HLF: variants seen among roughly 807,000 people sequenced by gnomAD.
The protein encoded by HLF is HLF transcription factor, PAR bZIP family member.
In HLF, 3 loss-of-function variants were observed where a neutral mutation model predicts 22.6. The ratio of observed to expected loss-of-function variants is 0.13; its 90% CI spans 0.06 to 0.34. HLF has a LOEUF of 0.34. Among genes scored for constraint, HLF ranks in the 10% least tolerant of loss-of-function variants. The pLI is 1.00. For missense variants in HLF, 299 were observed against 389.2 expected, an observed-to-expected ratio of 0.77 and a Z score of 1.95; for synonymous variants, 151 against 151.8, an observed-to-expected ratio of 0.99 and a Z score of 0.04.
chr17:55,270,567 A>C (rs936815282), intron 2 of HLF, among the ~76,000 whole-genome samples: 2 of 152,168 alleles, frequency 1.3e-5, no homozygotes, highest in African/African-American at 4.8e-5. Context: ...GGAAGAGCAC[A>C]GATGTAGCCT....
intron 2 of HLF, among the ~76,000 whole-genome samples, chr17:55,291,607 TTAA>T (rs946425979): frequency 1.6e-5 from 2 of 123,398 alleles, no homozygotes; most frequent in African/African-American, 3.1e-5. Flanking sequence ...TACAAGAAGA[TTAA>T]TGTTATTTTC....
intron 3 of HLF, among the ~76,000 whole-genome samples, chr17:55,316,528 C>T (rs1403427970): frequency 1.3e-5 from 2 of 152,240 alleles, no homozygotes; most frequent in Non-Finnish European, 2.9e-5. Flanking sequence ...CTGAGATTAC[C>T]TTAATTGATG....
intron 2 of HLF, among the ~76,000 whole-genome samples, chr17:55,302,197 A>G (rs1200140586): frequency 2.0e-5 from 3 of 152,206 alleles, no homozygotes; most frequent in Non-Finnish European, 4.4e-5. Flanking sequence ...TGGCTTAAAC[A>G]TGTTGATTTA....
intron 2 of HLF, among the ~76,000 whole-genome samples, chr17:55,304,621 G>C (rs1331130798): frequency 2.0e-5 from 3 of 152,220 alleles, no homozygotes; most frequent in Non-Finnish European, 4.4e-5. Context: ...GAGTACTGAT[G>C]CATGATCCCA....
intron 2 of HLF, among the ~76,000 whole-genome samples, chr17:55,285,208 T>C (rs1411108234): frequency 1.3e-5 from 2 of 152,178 alleles, no homozygotes; most frequent in East Asian, 1.9e-4. Context: ...AGATATACAG[T>C]TTAACCTAGG....
chr17:55,311,762 AC>A lies in HLF; in HGVS notation c.452-3462del, dbSNP rs1460578508. Among the ~76,000 whole-genome samples, 7 of 152,132 alleles carry A rather than the reference AC, an allele frequency of 4.6e-5. No individual in the cohort carries two copies. In the East Asian group the frequency reaches 1.4e-3, roughly 29 times the overall value. On this transcript the variant is annotated intron_variant, in intron 2 of 3. Transcript: ENST00000226067. ...ATGCTGAGATTTGGCCTTTGATTGAACCCTTCATGCAGAGAGTGAACATAGT... is the reference window on the plus strand; with the variant it reads ...ATGCTGAGATTTGGCCTTTGATTGAACCTTCATGCAGAGAGTGAACATAGT...
At chr17:55,267,715 CTTTTT>C (rs762403571) in intron 1 of HLF, 31 bp from the exon 2 acceptor site, 1 of 1,403,476 alleles carries the variant, frequency 7.1e-7, no homozygotes, top group East Asian at 2.3e-5. Flanking sequence ...TCTTTTCTTT[CTTTTT>C]TTTTAAGTCC....
chr17:55,299,632 T>C (rs1479245403), intron 2 of HLF, among the ~76,000 whole-genome samples: 2 of 152,180 alleles, frequency 1.3e-5, no homozygotes, highest in African/African-American at 4.8e-5. Context: ...TCAGCATGCC[T>C]GCCACACGTC....
intron 2 of HLF, among the ~76,000 whole-genome samples, chr17:55,313,118 C>T (rs1190783118): frequency 6.6e-6 from 1 of 152,140 alleles, no homozygotes; most frequent in African/African-American, 2.4e-5. Context: ...TGACCTACTT[C>T]CATTGGAGGA....
intron 2 of HLF, among the ~76,000 whole-genome samples, chr17:55,291,638 T>C (rs370519747): frequency 6.6e-6 from 1 of 152,242 alleles, no homozygotes; most frequent in Non-Finnish European, 1.5e-5. Flanking sequence ...CTAACACATT[T>C]ATTCTTCAGC....
At chr17:55,269,787 G>T (rs541518062) in intron 2 of HLF, among the ~76,000 whole-genome samples, 1 of 152,242 alleles carries the variant, frequency 6.6e-6, no homozygotes, top group Admixed American at 6.5e-5. Flanking sequence ...ATCTTCGTAA[G>T]GTAACTAGGT....
Position 55,265,508 on chromosome 17 carries a change from C to A in HLF, c.24C>A (p.Leu8=), listed in dbSNP as rs1205983498. 6.2e-6 allele frequency: 10 copies of A among 1,607,466 alleles called. No individual in the cohort carries two copies. Among genetic ancestry groups the A allele is most frequent in the Non-Finnish European group, 7.7e-6 (9 of 1,176,310 alleles). The change falls in exon 1 of 4, where the codon CTC becomes CTA. Residue 8 remains leucine, a synonymous_variant. Transcript: ENST00000226067. MEKMSRP[L]PLNPTFIPPP... ...CGATGGAGAAAATGTCCCGACCGCT[C>A]CCCCTGAATCCCACCTTTATCCCGC...
At chr17:55,270,215 C>G (rs1011729355) in intron 2 of HLF, among the ~76,000 whole-genome samples, 1 of 152,160 alleles carries the variant, frequency 6.6e-6, no homozygotes, top group African/African-American at 2.4e-5. Context: ...CACTGAGGGT[C>G]TAGAAATAAG....
chr17:55,286,677 T>A (rs144596671), intron 2 of HLF, among the ~76,000 whole-genome samples: 1 of 152,206 alleles, frequency 6.6e-6, no homozygotes, highest in Non-Finnish European at 1.5e-5. Context: ...GAAAATAAAC[T>A]CTTTTTCCCC....
intron 2 of HLF, among the ~76,000 whole-genome samples, 169 bp from the exon 3 acceptor site, chr17:55,315,058 C>T (rs1256086979): frequency 1.3e-5 from 2 of 152,232 alleles, no homozygotes; most frequent in Non-Finnish European, 2.9e-5. Context: ...AAGTCATACT[C>T]AACCTGCTGT....
intron 2 of HLF, among the ~76,000 whole-genome samples, chr17:55,302,265 T>C (rs891524860): frequency 6.6e-6 from 1 of 152,214 alleles, no homozygotes; most frequent in Non-Finnish European, 1.5e-5. Context: ...TTTAGGACTC[T>C]GTGAACGTTA....
Position 55,265,441 on chromosome 17 carries a change from T to C in HLF, c.-44T>C. 7.9e-7 allele frequency: 1 copy of C among 1,258,016 alleles called. No homozygotes were observed. Among genetic ancestry groups the C allele is most frequent in the Non-Finnish European group, 1.2e-6 (1 of 868,402 alleles). The allele number at this position is 1,258,016 out of a possible 1,614,324, so 77.9% of individuals were successfully genotyped here. On this transcript the variant is annotated 5_prime_UTR_variant, in exon 1 of 4. Transcript: ENST00000226067. ...AACATTTTAGGGGGCGGTTGTTTCT[T>C]TCTTATTTCTTTTTTTAAGGGGAAA...
intron 2 of HLF, among the ~76,000 whole-genome samples, chr17:55,279,652 A>G (rs1233668492): frequency 6.6e-6 from 1 of 152,122 alleles, no homozygotes. Flanking sequence ...TGGGACACAG[A>G]GTTAACTTGA....
intron 2 of HLF, among the ~76,000 whole-genome samples, chr17:55,295,475 A>C (rs1370658367): frequency 1.3e-5 from 2 of 152,252 alleles, no homozygotes; most frequent in African/African-American, 4.8e-5. Context: ...CCTCCTGCCC[A>C]GATAAGGAGA....
Sources: allele counts gnomAD v4.1 joint callset (sites outside exome capture counted in the v4.1 genomes callset), GRCh38; gene constraint gnomAD v4.1.1; transcripts MANE v1.5; gene names NCBI Gene and HGNC (gene_info 2026-07-23, HGNC 2026-07-21).